Variants in EXOC6B observed in about 807,000 individuals in gnomAD.
EXOC6B encodes SEC15 homolog B.
A neutral mutation model predicts 113.5 loss-of-function variants in EXOC6B; 54 were observed. The ratio of observed to expected loss-of-function variants is 0.48; its 90% confidence interval spans 0.38 to 0.60. EXOC6B has a LOEUF of 0.60. EXOC6B is among the 20% of genes least tolerant of loss of function. The probability of loss-of-function intolerance (pLI) is 0.00; values close to 1 mark genes in which losing one functional copy is unlikely to be tolerated. For synonymous variants in EXOC6B, 357 were observed against 339.0 expected, an observed-to-expected ratio of 1.05 and a Z score of -0.58; for missense variants, 797 against 977.5, an observed-to-expected ratio of 0.82 and a Z score of 2.46.
chr2:72,251,769 T>C (rs1683031506), intron 20 of EXOC6B, among the ~76,000 whole-genome samples: 1 of 152,222 alleles, frequency 6.6e-6, no homozygotes, highest in South Asian at 2.1e-4. Flanking sequence ...CCATTATGTA[T>C]AATCATGAAT....
At chr2:72,397,534 C>G (rs1385885739) in intron 18 of EXOC6B, among the ~76,000 whole-genome samples, 1 of 150,756 alleles carries the variant, frequency 6.6e-6, no homozygotes. Flanking sequence ...GCAGGAGAAT[C>G]GCTTGAGCCC....
intron 17 of EXOC6B, among the ~76,000 whole-genome samples, chr2:72,471,121 A>C (rs1044987229): frequency 1.1e-4 from 17 of 152,076 alleles, no homozygotes; most frequent in African/African-American, 3.4e-4. Context: ...CATCCTCTCC[A>C]GCACCTGTTG....
intron 6 of EXOC6B, among the ~76,000 whole-genome samples, chr2:72,655,353 A>C (rs1041151536): frequency 6.6e-6 from 1 of 152,068 alleles, no homozygotes; most frequent in Non-Finnish European, 1.5e-5. Context: ...ATTTTTTTAA[A>C]GGGCAAACTA....
In EXOC6B at chr2:72,179,278, A is replaced by T. The variant is rs1307425172; in HGVS notation, c.*57T>A. The T allele has an allele frequency of 8.0e-6, 12 of 1,505,876 alleles. No individual in the cohort carries two copies. In the East Asian group the frequency reaches 2.8e-4, roughly 35 times the overall value. 93.3% of individuals were successfully genotyped at this position (1,505,876 alleles called of 1,614,324 possible). A position where few individuals can be genotyped will look rare whatever the true frequency, so the allele number is the denominator to read the frequency against. On this transcript the variant is annotated 3_prime_UTR_variant, in exon 22 of 22. Coordinates refer to ENST00000272427, the MANE Select transcript of EXOC6B (RefSeq NM_015189.3). ...CAAATGCAGGGTCAGCTGGGGCTGG[A>T]CCCCAGACTGACACAGAGGCTGCAG... is the stretch of plus-strand genomic sequence containing the variant.
chr2:72,200,248 C>T (rs1375976744), intron 20 of EXOC6B, among the ~76,000 whole-genome samples: 1 of 152,102 alleles, frequency 6.6e-6, no homozygotes, highest in Non-Finnish European at 1.5e-5. Flanking sequence ...GTACTGTAGC[C>T]CTGGATTTGT....
intron 6 of EXOC6B, among the ~76,000 whole-genome samples, chr2:72,695,858 G>C (rs557913691): frequency 2.5e-4 from 38 of 152,300 alleles, no homozygotes; most frequent in African/African-American, 8.7e-4. Context: ...TCACTCCAGT[G>C]CAGTGGGAAG....
chr2:72,453,987 A>C (rs1402636371), intron 18 of EXOC6B, among the ~76,000 whole-genome samples: 2 of 152,174 alleles, frequency 1.3e-5, no homozygotes, highest in African/African-American at 2.4e-5. Context: ...TGCTGAGAGA[A>C]GGGGGAAGCC....
At chr2:72,760,744 C>T (rs1402462712) in intron 1 of EXOC6B, 1 of 152,138 alleles carries the variant, frequency 6.6e-6, no homozygotes, top group Non-Finnish European at 1.5e-5. Flanking sequence ...ACCAACAATA[C>T]AAATATTTTA....
At chr2:72,351,370 C>T (rs1689645583) in intron 19 of EXOC6B, among the ~76,000 whole-genome samples, 2 of 152,146 alleles carry the variant, frequency 1.3e-5, no homozygotes, top group South Asian at 4.1e-4. Flanking sequence ...AACCACTGAA[C>T]TTCTCAGAGG....
chr2:72,279,508 C>T (rs1238146761), intron 20 of EXOC6B, among the ~76,000 whole-genome samples: 1 of 152,130 alleles, frequency 6.6e-6, no homozygotes, highest in Non-Finnish European at 1.5e-5. Context: ...GAGCTACAGA[C>T]CATATTCTTC....
Position 72,815,475 on chromosome 2 carries a change from G to C in EXOC6B, c.113+10323C>G, listed in dbSNP as rs150523097. On this transcript the variant is annotated intron_variant, in intron 1 of 21. Transcript: ENST00000272427. The stretch of plus-strand genomic sequence containing the variant: ...ACTGCACTCTAGCCAGGACAAGAGA[G>C]GGAGAGACCCTGTTTCAAAAAAAAA... Among the ~76,000 whole-genome samples, 1,158 of 150,922 alleles carry C rather than the reference G, an allele frequency of 7.7e-3. 9 individuals carry two copies. The highest frequency in any genetic ancestry group is 0.014 in the Middle Eastern group (4 of 292).
At chr2:72,752,036 C>T (rs1306345192) in intron 1 of EXOC6B, among the ~76,000 whole-genome samples, 2 of 151,948 alleles carry the variant, frequency 1.3e-5, no homozygotes, top group African/African-American at 4.8e-5. Context: ...ATATATGGAC[C>T]CCTAGACCCA....
chr2:72,741,194 C>T, intron 2 of EXOC6B, 110 bp downstream of exon 2: 1 of 1,098,402 alleles, frequency 9.1e-7, no homozygotes, highest in Non-Finnish European at 1.3e-6. Flanking sequence ...TCTAATTATA[C>T]AAAAATCTTC....
chr2:72,404,441 A>T (rs1693581159), intron 18 of EXOC6B, among the ~76,000 whole-genome samples: 2 of 152,176 alleles, frequency 1.3e-5, no homozygotes, highest in African/African-American at 4.8e-5. Flanking sequence ...CGAGTAGCCT[A>T]ACTGGAAGGC....
At position 72,533,013 on chromosome 2, in the gene EXOC6B, A is replaced by G. The variant is rs75160277; in HGVS notation, c.916-17887T>C. Among the ~76,000 whole-genome samples the G allele has an allele frequency of 4.0e-3, 607 of 152,306 alleles. 11 individuals are homozygous for G. The highest frequency in any genetic ancestry group is 0.014 in the African/African-American group (594 of 41,562). On this transcript the variant is annotated intron_variant, in intron 8 of 21. Coordinates refer to ENST00000272427, the MANE Select transcript of EXOC6B (RefSeq NM_015189.3). ...TCCCTAAAATTATTCCTAAATTTCA[A>G]CAAAAGTTATTTTGAAATAGTCAAA... is the stretch of plus-strand genomic sequence containing the variant.
rs758534897 is a variant in EXOC6B at position 72,773,448 on chromosome 2, CAAAA to C, written c.114-31983_114-31980del. On this transcript the variant is annotated intron_variant, in intron 1 of 21. Transcript: ENST00000272427. ...CCGGGTAGATCTTAAGTTTTCTCACCAAAAAAAAAAAAAAAGGCAACTATGTGAG... is the reference window on the plus strand; with the variant it reads ...CCGGGTAGATCTTAAGTTTTCTCACCAAAAAAAAAAAGGCAACTATGTGAG... Among the ~76,000 whole-genome samples the C allele has an allele frequency of 5.0e-5, 4 of 80,730 alleles. No individual in the cohort carries two copies. In the East Asian group the frequency reaches 1.0e-3, roughly 21 times the overall value. 53.0% of individuals were successfully genotyped at this position (80,730 alleles called of 152,430 possible). A position where few individuals can be genotyped will look rare whatever the true frequency, so the allele number is the denominator to read the frequency against.
chr2:72,212,811 T>C (rs540210470), intron 20 of EXOC6B, among the ~76,000 whole-genome samples: 2 of 152,324 alleles, frequency 1.3e-5, no homozygotes, highest in East Asian at 3.9e-4. Flanking sequence ...AAACAGTTCT[T>C]ACTATAGCAG....
chr2:72,513,121 T>G lies in EXOC6B; in HGVS notation c.1167+11A>C. On this transcript the variant is annotated intron_variant, in intron 11 of 21. Transcript: ENST00000272427. ...CTCTAAATAACAACTTCCCTTGGGC[T>G]TCTTACATACCGAGTGGGTACGGAG... 6.2e-7 allele frequency: 1 copy of G among 1,612,498 alleles called. No individual in the cohort carries two copies. The highest frequency in any genetic ancestry group is 8.5e-7 in the Non-Finnish European group (1 of 1,179,036).
intron 20 of EXOC6B, among the ~76,000 whole-genome samples, chr2:72,214,528 T>C (rs1346857967): frequency 6.6e-6 from 1 of 152,094 alleles, no homozygotes; most frequent in Non-Finnish European, 1.5e-5. Context: ...CACACATGAT[T>C]GTGGTAACCC....
Sources: allele counts gnomAD v4.1 joint callset (sites outside exome capture counted in the v4.1 genomes callset), GRCh38; gene constraint gnomAD v4.1.1; transcripts MANE v1.5; gene names NCBI Gene and HGNC (gene_info 2026-07-23, HGNC 2026-07-21).